Variants in AMPD3 observed in about 807,000 individuals in gnomAD.
AMPD3 encodes the protein AMP deaminase 3.
In AMPD3, 57 loss-of-function variants were observed where a neutral mutation model predicts 82.3. That is an observed-to-expected ratio of 0.69 (90% confidence interval 0.56 to 0.86). The LOEUF is 0.86. AMPD3 is among the 40% of genes least tolerant of loss of function. The pLI, the probability that AMPD3 is intolerant of heterozygous loss-of-function variation, is 0.00. For missense variants in AMPD3, 870 were observed against 1,003.8 expected, an observed-to-expected ratio of 0.87 and a Z score of 1.80; for synonymous variants, 381 against 394.7, an observed-to-expected ratio of 0.97 and a Z score of 0.41.
At chr11:10,500,525 C>A in intron 11 of AMPD3, 2 of 844,826 alleles carry the variant, frequency 2.4e-6, no homozygotes, top group Non-Finnish European at 2.9e-6. Flanking sequence ...CAGCCACAGT[C>A]CACACGTGTC....
At chr11:10,488,472 AGTC>A in intron 6 of AMPD3, 3 of 175,484 alleles carry the variant, frequency 1.7e-5, no homozygotes, top group Non-Finnish European at 2.1e-5. Context: ...GGTATGAGAG[AGTC>A]GAGAGAGTCA....
At position 10,495,747 on chromosome 11, in the gene AMPD3, C is replaced by T; in HGVS notation, c.1430+14C>T. 1 of 1,613,904 alleles carries T rather than the reference C, an allele frequency of 6.2e-7. No homozygotes were observed. ...GCCCCGGATTTAGTAAGTGAGGTGG[C>T]CCGCTGTCTACCCTGTGCCCTACAG... On this transcript the variant is annotated intron_variant, in intron 9 of 14. Transcript: ENST00000396553.
At position 10,485,031 on chromosome 11, in the gene AMPD3, TGGCCCCACGTAA is replaced by T; in HGVS notation, c.803_809+5del. On this transcript the variant is annotated splice_donor_variant and splice_donor_region_variant and coding_sequence_variant and intron_variant, in exon 5 of 15. Coordinates refer to ENST00000396553, the MANE Select transcript of AMPD3 (RefSeq NM_001025389.2). LOFTEE classifies it high-confidence loss of function. ...GCCACATCCTGGCTCTCATCACCGA[TGGCCCCACGTAA>T]GCTAGCTTCTCCGCGGCTGCCTGTC... The T allele has an allele frequency of 6.2e-7, 1 of 1,613,284 alleles. No homozygotes were observed. The highest frequency in any genetic ancestry group is 8.5e-7 in the Non-Finnish European group (1 of 1,179,858).
rs563809547 is a variant in AMPD3, at chr11:10,464,252, G to A, written c.221+2512G>A. Among the ~76,000 whole-genome samples the A allele has an allele frequency of 1.4e-4, 22 of 152,344 alleles. 1 individual carries two copies. The South Asian group carries it at 2.1e-3, about 14-fold the overall frequency. The stretch of plus-strand genomic sequence containing the variant: ...CCATTGAATACTTACTATGGGCTAA[G>A]TACTAGCCTGTGTAGGTTGGATTCA... On this transcript the variant is annotated intron_variant, in intron 2 of 14. Transcript: ENST00000396553.
At chr11:10,455,077 G>A (rs1848054004), upstream of AMPD3, 2 of 882,224 alleles carry the variant, frequency 2.3e-6, no homozygotes, top group African/African-American at 1.8e-5. Context: ...GACATGCGGA[G>A]GTGACTCAGG....
At position 10,456,679 on chromosome 11, in the gene AMPD3, G is replaced by A; in HGVS notation, c.-6+1231G>A. On this transcript the variant is annotated intron_variant, in intron 1 of 14. Coordinates refer to ENST00000396553, the MANE Select transcript of AMPD3 (RefSeq NM_001025389.2). This position sits in a 1 kb window ranked among gnomAD's most constrained non-coding sequence, Gnocchi z 4.3. Reference sequence around the variant, plus strand: ...CACAGCTAAGCCTCCCAAGCCTGCTGGCTTCAGCTGACAAAGGGTTGGAAG... The same window carrying A: ...CACAGCTAAGCCTCCCAAGCCTGCTAGCTTCAGCTGACAAAGGGTTGGAAG... 2 of 929,000 alleles carry A rather than the reference G, an allele frequency of 2.2e-6. No homozygotes were observed. Among genetic ancestry groups the A allele is most frequent in the Non-Finnish European group, 2.6e-6 (2 of 778,624 alleles). The allele number at this position is 929,000 out of a possible 1,614,324, so 57.5% of individuals were successfully genotyped here. A position where few individuals can be genotyped will look rare whatever the true frequency, so the allele number is the denominator to read the frequency against.
chr11:10,493,685 G>A (rs927286134), intron 7 of AMPD3, 142 bp downstream of exon 7: 40 of 958,688 alleles, frequency 4.2e-5, no homozygotes, highest in East Asian at 7.8e-5. Context: ...GAGGTCATGC[G>A]GCCTCAGAGA....
chr11:10,455,905 C>T (rs913375512), intron 1 of AMPD3: 9 of 985,202 alleles, frequency 9.1e-6, no homozygotes, highest in African/African-American at 1.7e-5. Context: ...GCCTGAAGCA[C>T]GTTCAGAACG....
upstream of AMPD3, among the ~76,000 whole-genome samples, chr11:10,452,027 G>A (rs1847975846): frequency 6.6e-6 from 1 of 152,130 alleles, no homozygotes; most frequent in African/African-American, 2.4e-5. Context: ...GATGGTATGG[G>A]GCTGCCCTCT....
upstream of AMPD3, chr11:10,451,020 G>A: frequency 6.3e-7 from 1 of 1,581,426 alleles, no homozygotes; most frequent in Non-Finnish European, 8.5e-7. Context: ...TCGGCCGGCG[G>A]CATGGCCCTG....
chr11:10,485,780 G>A (rs4369398), intron 5 of AMPD3, among the ~76,000 whole-genome samples: 141,016 of 152,018 alleles, frequency 0.93, 65,398 homozygotes, highest in East Asian at 0.96. Context: ...CATGGGCATG[G>A]TGCACCATGA....
In AMPD3 at chr11:10,500,583, T is replaced by C. The variant is rs576252301; in HGVS notation, c.1721+334T>C. Reference sequence around the variant, plus strand: ...CCAGGGCACACTCCACGTGTACCTGTACATCCCTGAGATAATGGAAGCATA... The same window carrying C: ...CCAGGGCACACTCCACGTGTACCTGCACATCCCTGAGATAATGGAAGCATA... On this transcript the variant is annotated intron_variant, in intron 11 of 14. Transcript: ENST00000396553. The C allele has an allele frequency of 5.1e-6, 5 of 985,012 alleles. No homozygotes were observed. In the South Asian group the frequency reaches 2.3e-4, roughly 46 times the overall value. The allele number at this position is 985,012 out of a possible 1,614,324, so 61.0% of individuals were successfully genotyped here.
chr11:10,468,939 A>G (rs1848502035), intron 2 of AMPD3, among the ~76,000 whole-genome samples: 1 of 152,268 alleles, frequency 6.6e-6, no homozygotes, highest in Non-Finnish European at 1.5e-5. Flanking sequence ...GTTCTTTGAA[A>G]CCAGTGAGAA....
chr11:10,493,239 G>T (rs113102350), intron 6 of AMPD3, 110 bp from the exon 7 acceptor site: 7 of 1,290,514 alleles, frequency 5.4e-6, no homozygotes, highest in Non-Finnish European at 7.8e-6. Context: ...GGGGCTGCCC[G>T]GATGGCCCAT....
chr11:10,463,953 A>C (rs938916930), intron 2 of AMPD3, among the ~76,000 whole-genome samples: 3 of 152,156 alleles, frequency 2.0e-5, no homozygotes, highest in African/African-American at 7.2e-5. Flanking sequence ...TGGACACTAC[A>C]TCAGGGTGGC....
chr11:10,485,848 C>T lies in AMPD3; in HGVS notation c.809+809C>T, dbSNP rs963481863. ...GGCAGCCATCTTTCTGAATTTGGCC[C>T]CTCACTTCTTGGTGGGCACTTAGGC... On this transcript the variant is annotated intron_variant, in intron 5 of 14. Transcript: ENST00000396553. Among the ~76,000 whole-genome samples, 4 of 150,436 alleles carry T rather than the reference C, an allele frequency of 2.7e-5. No homozygotes were observed. In the East Asian group the frequency reaches 7.7e-4, roughly 29 times the overall value.
At chr11:10,501,327 G>C in intron 11 of AMPD3, 143 bp from the exon 12 acceptor site, 4 of 1,449,946 alleles carry the variant, frequency 2.8e-6, no homozygotes, top group Non-Finnish European at 3.6e-6. Context: ...TTTTAGGAGG[G>C]GTAGTTTCCA....
At chr11:10,471,960 G>A (rs955114335) in intron 2 of AMPD3, among the ~76,000 whole-genome samples, 4 of 152,062 alleles carry the variant, frequency 2.6e-5, no homozygotes, top group Non-Finnish European at 4.4e-5. Context: ...TATACCCAAA[G>A]GATTATAAAT....
intron 1 of AMPD3, chr11:10,460,950 G>A: frequency 1.0e-6 from 1 of 985,362 alleles, no homozygotes; most frequent in Non-Finnish European, 1.2e-6. Context: ...CTTGTTAGGA[G>A]GTTCCAGAGG....
Sources: allele counts gnomAD v4.1 joint callset (sites outside exome capture counted in the v4.1 genomes callset), GRCh38; gene constraint gnomAD v4.1.1; non-coding constraint Gnocchi (gnomAD v3.1); transcripts MANE v1.5; gene names NCBI Gene and HGNC (gene_info 2026-07-23, HGNC 2026-07-21).